The following MAP3K20 variants were observed in gnomAD, a reference collection of about 807,000 sequenced individuals.
MAP3K20 encodes mitogen-activated protein kinase kinase kinase 20, also known as HCCS-4.
MAP3K20 carries 40 observed loss-of-function variants against 85.7 expected under a neutral mutation model. The ratio of observed to expected loss-of-function variants is 0.47; its 90% CI spans 0.36 to 0.61. MAP3K20 has a LOEUF of 0.61. MAP3K20 is among the 20% of genes least tolerant of loss of function. The pLI is 0.00. For missense variants in MAP3K20, 817 were observed against 961.7 expected, an observed-to-expected ratio of 0.85 and a Z score of 1.99; for synonymous variants, 325 against 327.7, an observed-to-expected ratio of 0.99 and a Z score of 0.09.
At chr2:173,133,808 C>A (rs1191848722) in intron 2 of MAP3K20, among the ~76,000 whole-genome samples, 1 of 151,290 alleles carries the variant, frequency 6.6e-6, no homozygotes, top group African/African-American at 2.4e-5. Flanking sequence ...CATGGTGAAA[C>A]CCCATCTCTA....
chr2:173,219,808 C>T (rs1048793275), intron 11 of MAP3K20, among the ~76,000 whole-genome samples: 1 of 152,128 alleles, frequency 6.6e-6, no homozygotes, highest in African/African-American at 2.4e-5. Flanking sequence ...GTGGCTCACA[C>T]CTGTAAACCC....
chr2:173,089,765 G>T (rs1464144766), intron 1 of MAP3K20, among the ~76,000 whole-genome samples: 1 of 152,016 alleles, frequency 6.6e-6, no homozygotes, highest in African/African-American at 2.4e-5. Flanking sequence ...TATGCTTAGG[G>T]TTTTGTCATG....
intron 8 of MAP3K20, 89 bp from the exon 9 acceptor site, chr2:173,203,705 ACT>A (rs1417881943): frequency 2.1e-6 from 2 of 956,984 alleles, no homozygotes; most frequent in African/African-American, 3.3e-5. Flanking sequence ...TCTTAAAATA[ACT>A]CTATTATGAC....
chr2:173,256,065 G>A (rs868744127), intron 16 of MAP3K20, among the ~76,000 whole-genome samples: 3 of 152,210 alleles, frequency 2.0e-5, no homozygotes, highest in Non-Finnish European at 4.4e-5. Flanking sequence ...TCGGCTTTCC[G>A]TCTTGTGAAT....
chr2:173,233,642 A>G (rs1420607300), intron 14 of MAP3K20, among the ~76,000 whole-genome samples: 1 of 152,106 alleles, frequency 6.6e-6, no homozygotes, highest in Non-Finnish European at 1.5e-5. Context: ...TAAAGGAGAA[A>G]ATTCAGAAAA....
At chr2:173,115,285 T>G (rs1354420647) in intron 2 of MAP3K20, among the ~76,000 whole-genome samples, 6 of 152,214 alleles carry the variant, frequency 3.9e-5, no homozygotes, top group African/African-American at 1.4e-4. Flanking sequence ...AAGTTATCTA[T>G]TTTCTTGAAT....
intron 2 of MAP3K20, among the ~76,000 whole-genome samples, chr2:173,109,872 G>A (rs1280714436): frequency 2.0e-5 from 3 of 151,928 alleles, no homozygotes; most frequent in East Asian, 3.8e-4. Context: ...AATATGATAC[G>A]TTTCCAGAAA....
intron 5 of MAP3K20, among the ~76,000 whole-genome samples, chr2:173,190,254 T>C (rs941850881): frequency 8.5e-5 from 13 of 152,176 alleles, no homozygotes; most frequent in Admixed American, 3.9e-4. Context: ...GACACAGATA[T>C]CATTGTTCTT....
At chr2:173,250,338 G>A (rs776146873) in intron 16 of MAP3K20, among the ~76,000 whole-genome samples, 1 of 152,164 alleles carries the variant, frequency 6.6e-6, no homozygotes, top group Non-Finnish European at 1.5e-5. Context: ...CTCCCATTTC[G>A]ACTGACATGT....
chr2:173,137,428 A>T lies in MAP3K20; in HGVS notation c.160-32377A>T, dbSNP rs540677148. On this transcript the variant is annotated intron_variant, in intron 2 of 19. Transcript: ENST00000375213. ...CCTATGTTCTCTGTTTGGGAAGGCA[A>T]GTATAAGTATGAATGCAGAAGACAG... 5.5e-4 allele frequency among the ~76,000 whole-genome samples: 84 copies of T among 152,326 alleles called. No individual in the cohort carries two copies. The South Asian group carries it at 0.016, about 29-fold the overall frequency.
intron 4 of MAP3K20, 104 bp downstream of exon 4, chr2:173,183,059 C>A: frequency 1.1e-6 from 1 of 894,006 alleles, no homozygotes; most frequent in South Asian, 1.8e-5. Flanking sequence ...TTTAGATGTT[C>A]TTTTTCCAGA....
chr2:173,146,963 T>C (rs960428730), intron 2 of MAP3K20, among the ~76,000 whole-genome samples: 1 of 152,236 alleles, frequency 6.6e-6, no homozygotes, highest in Non-Finnish European at 1.5e-5. Flanking sequence ...ATAATGACGG[T>C]CAGCATCTTT....
At position 173,249,515 on chromosome 2, in the gene MAP3K20, C is replaced by T. The variant is rs143154946; in HGVS notation, c.1360-9184C>T. Among the ~76,000 whole-genome samples, 166 of 152,280 alleles carry T rather than the reference C, an allele frequency of 1.1e-3. 2 individuals are homozygous for T. Among genetic ancestry groups the T allele is most frequent in the African/African-American group, 3.9e-3 (161 of 41,568 alleles). On this transcript the variant is annotated intron_variant, in intron 16 of 19. Coordinates refer to ENST00000375213, the MANE Select transcript of MAP3K20 (RefSeq NM_016653.3). ...CTTTGAAAATCATATTTCTTCGAGT[C>T]ACCCCTAAAGTCATGGGGTGGGAGG...
chr2:173,122,971 T>C (rs1038132367), intron 2 of MAP3K20, among the ~76,000 whole-genome samples: 2 of 152,248 alleles, frequency 1.3e-5, no homozygotes, highest in African/African-American at 4.8e-5. Context: ...TTTTCAGAGA[T>C]GCAGCGCTCC....
intron 12 of MAP3K20, among the ~76,000 whole-genome samples, 158 bp from the exon 13 acceptor site, chr2:173,232,033 AG>A (rs368778330): frequency 6.6e-6 from 1 of 152,340 alleles, no homozygotes; most frequent in Non-Finnish European, 1.5e-5. Flanking sequence ...TGAAAGCTTG[AG>A]GTTTTAAAAC....
intron 8 of MAP3K20, among the ~76,000 whole-genome samples, chr2:173,202,610 A>G (rs565169019): frequency 1.3e-5 from 2 of 152,364 alleles, no homozygotes; most frequent in South Asian, 2.1e-4. Flanking sequence ...GTAAGTTAAC[A>G]TAATGCTCTA....
At chr2:173,127,273 G>T (rs964198830) in intron 2 of MAP3K20, among the ~76,000 whole-genome samples, 7 of 152,126 alleles carry the variant, frequency 4.6e-5, no homozygotes, top group Admixed American at 2.6e-4. Flanking sequence ...AGAATTCTGT[G>T]AATATTTAAA....
chr2:173,242,238 C>T (rs954599252), intron 16 of MAP3K20, among the ~76,000 whole-genome samples: 3 of 151,036 alleles, frequency 2.0e-5, no homozygotes, highest in African/African-American at 7.3e-5. Context: ...TACAATGGCG[C>T]GATCTCGGCT....
chr2:173,225,540 G>A (rs1164325892), intron 11 of MAP3K20: 1 of 943,828 alleles, frequency 1.1e-6, no homozygotes, highest in Non-Finnish European at 1.3e-6. Context: ...GTTGCAGTGA[G>A]CTGAGATTGC....
Sources: allele counts gnomAD v4.1 joint callset (sites outside exome capture counted in the v4.1 genomes callset), GRCh38; gene constraint gnomAD v4.1.1; transcripts MANE v1.5; gene names NCBI Gene and HGNC (gene_info 2026-07-23, HGNC 2026-07-21).